The following EYS variants were observed in gnomAD, a reference collection of about 807,000 sequenced individuals.
EYS encodes the protein protein eyes shut homolog.
A neutral mutation model predicts 282.1 loss-of-function variants in EYS; 250 were observed. The observed-to-expected ratio is 0.89, with a 90% CI of 0.80 to 0.98. The LOEUF (loss-of-function observed/expected upper bound fraction) is 0.98, where lower values mean the gene tolerates loss of function less well. EYS is among the 50% of genes least tolerant of loss of function. The pLI is 0.00. For synonymous variants in EYS, 1,355 were observed against 1,282.9 expected, an observed-to-expected ratio of 1.06 and a Z score of -1.20; for missense variants, 4,016 against 3,709.0, an observed-to-expected ratio of 1.08 and a Z score of -2.15.
intron 28 of EYS, among the ~76,000 whole-genome samples, chr6:64,419,087 A>C (rs912541442): frequency 6.6e-6 from 1 of 152,194 alleles, no homozygotes; most frequent in Non-Finnish European, 1.5e-5. Flanking sequence ...TGAGTTCCTC[A>C]AAATTTCATC....
intron 1 of EYS, among the ~76,000 whole-genome samples, chr6:65,681,740 C>T (rs1768830092): frequency 6.6e-6 from 1 of 151,914 alleles, no homozygotes; most frequent in African/African-American, 2.4e-5. Context: ...TGAGTAAATG[C>T]TAAACAGATT....
rs1562080342 is a variant in EYS, at chr6:64,591,634, A to C, written c.4233T>G (p.Phe1411Leu). ...ATAAAGCAACAGTCTGACAGTTCTC[A>C]AATAATAAAGATTGTGTAGGAAAAA... is the stretch of plus-strand genomic sequence containing the variant. ...DFIFPTQSLL[F>L]ENCQTVALSA... The change falls in exon 26 of 43, where the codon TTT (phenylalanine) becomes TTG (leucine). Residue 1411 changes from phenylalanine to leucine, a missense_variant. By Grantham distance (22) the Phe-to-Leu change is conservative (BLOSUM62 0). Transcript: ENST00000503581. The C allele has an allele frequency of 6.4e-7, 1 of 1,551,282 alleles. No homozygotes were observed. Among genetic ancestry groups the C allele is most frequent in the Admixed American group, 2.0e-5 (1 of 50,962 alleles).
At position 64,736,662 on chromosome 6, in the gene EYS, A is replaced by G. The variant is rs561516690; in HGVS notation, c.3443+76716T>C. Among the ~76,000 whole-genome samples the G allele has an allele frequency of 4.9e-4, 74 of 152,170 alleles. No homozygotes were observed. The South Asian group carries it at 0.015, about 32-fold the overall frequency. ...AATATTTTCCTGTTTTTAACATTAT[A>G]TTTCTATTGCGAAATGAGTCCTGCT... On this transcript the variant is annotated intron_variant, in intron 22 of 42. Coordinates refer to ENST00000503581, the MANE Select transcript of EYS (RefSeq NM_001142800.2).
At chr6:65,259,811 C>A (rs900790535) in intron 12 of EYS, among the ~76,000 whole-genome samples, 1 of 151,908 alleles carries the variant, frequency 6.6e-6, no homozygotes. Context: ...ACCAAAAGTA[C>A]AGAATAATGA....
chr6:64,016,556 G>T (rs1184015442), intron 33 of EYS, among the ~76,000 whole-genome samples: 1 of 150,146 alleles, frequency 6.7e-6, no homozygotes, highest in African/African-American at 2.5e-5. Context: ...GCTCACTGTA[G>T]CCTCAATCTC....
chr6:64,896,972 A>G (rs977079488), intron 18 of EYS, among the ~76,000 whole-genome samples: 1 of 152,130 alleles, frequency 6.6e-6, no homozygotes, highest in African/African-American at 2.4e-5. Flanking sequence ...GCTTATAGAT[A>G]AAACTCCCAT....
intron 12 of EYS, among the ~76,000 whole-genome samples, chr6:65,152,516 G>T (rs534412513): frequency 6.6e-6 from 1 of 151,972 alleles, no homozygotes; most frequent in African/African-American, 2.4e-5. Flanking sequence ...CAGGTAAAGA[G>T]CCAGAAAGAG....
intron 29 of EYS, among the ~76,000 whole-genome samples, chr6:64,327,692 A>G (rs1434724730): frequency 6.6e-6 from 1 of 152,152 alleles, no homozygotes; most frequent in Non-Finnish European, 1.5e-5. Context: ...GGAACCATAG[A>G]AAGAGATTGC....
At chr6:64,002,181 G>A (rs1019267081) in intron 33 of EYS, among the ~76,000 whole-genome samples, 15 of 152,182 alleles carry the variant, frequency 9.9e-5, no homozygotes, top group Non-Finnish European at 1.5e-5. Flanking sequence ...TTGGCTGGGG[G>A]CTGTCAGAGA....
At chr6:65,382,815 T>C (rs984543234) in intron 8 of EYS, among the ~76,000 whole-genome samples, 5 of 152,110 alleles carry the variant, frequency 3.3e-5, no homozygotes, top group African/African-American at 1.2e-4. Context: ...TGCTGGCAGA[T>C]GATTAGATGG....
At chr6:65,005,465 A>G (rs554828365) in intron 13 of EYS, among the ~76,000 whole-genome samples, 2 of 147,016 alleles carry the variant, frequency 1.4e-5, no homozygotes, top group Non-Finnish European at 3.0e-5. Flanking sequence ...CCATCTTGGG[A>G]CCTCTGTGAG....
chr6:65,682,939 CACTATCAAT>C (rs1768888492), intron 1 of EYS, among the ~76,000 whole-genome samples: 1 of 151,784 alleles, frequency 6.6e-6, no homozygotes, highest in South Asian at 2.1e-4. Context: ...AAGTTTAGGC[CACTATCAAT>C]AAGTTGGGCT....
intron 5 of EYS, among the ~76,000 whole-genome samples, chr6:65,452,179 A>C (rs1217205793): frequency 6.6e-6 from 1 of 151,868 alleles, no homozygotes; most frequent in Non-Finnish European, 1.5e-5. Flanking sequence ...GAAGTAAACA[A>C]ATAACTAGGG....
chr6:64,601,502 C>CA (rs997715760), intron 24 of EYS, among the ~76,000 whole-genome samples: 2 of 152,004 alleles, frequency 1.3e-5, no homozygotes, highest in Non-Finnish European at 2.9e-5. Context: ...CTACTCAATA[C>CA]AATGTCTTGC....
chr6:64,102,201 T>C (rs1772853081), intron 31 of EYS, among the ~76,000 whole-genome samples: 1 of 152,218 alleles, frequency 6.6e-6, no homozygotes, highest in Admixed American at 6.5e-5. Flanking sequence ...CTTTATGTTT[T>C]TGAAATAATG....
At chr6:65,166,161 C>T (rs1034833850) in intron 12 of EYS, among the ~76,000 whole-genome samples, 2 of 150,940 alleles carry the variant, frequency 1.3e-5, no homozygotes, top group African/African-American at 4.8e-5. Flanking sequence ...CAAAAATTCC[C>T]AAATTATTCT....
At chr6:65,162,620 T>TA (rs533350004) in intron 12 of EYS, among the ~76,000 whole-genome samples, 74 of 150,788 alleles carry the variant, frequency 4.9e-4, no homozygotes, top group African/African-American at 1.8e-3. Flanking sequence ...TATTTTATTT[T>TA]TTTGGCTACT....
At chr6:63,765,710 C>T (rs1769771214) in intron 40 of EYS, among the ~76,000 whole-genome samples, 1 of 151,888 alleles carries the variant, frequency 6.6e-6, no homozygotes, top group African/African-American at 2.4e-5. Context: ...ACTATAGTCA[C>T]CCTGTTGTGC....
chr6:65,096,484 GAA>G (rs1203150990), intron 12 of EYS, among the ~76,000 whole-genome samples: 1 of 149,488 alleles, frequency 6.7e-6, no homozygotes, highest in Non-Finnish European at 1.5e-5. Flanking sequence ...TACAGAAATA[GAA>G]AAAAAAATTG....
Sources: allele counts gnomAD v4.1 joint callset (sites outside exome capture counted in the v4.1 genomes callset), GRCh38; gene constraint gnomAD v4.1.1; transcripts MANE v1.5; gene names NCBI Gene and HGNC (gene_info 2026-07-23, HGNC 2026-07-21).